Variants in CCNH observed in about 807,000 individuals in gnomAD.
CCNH encodes the protein cyclin-H.
CCNH carries 31 observed loss-of-function variants against 41.9 expected under a neutral mutation model. That is an observed-to-expected ratio of 0.74 (90% CI 0.56 to 1.00). The LOEUF is 1.00. Ranked by LOEUF, CCNH falls within the 50% of genes least tolerant of loss-of-function variation. The pLI, the probability that CCNH is intolerant of heterozygous loss-of-function variation, is 0.00. For synonymous variants in CCNH, 138 were observed against 136.1 expected (o/e 1.01, Z -0.10); for missense variants, 362 against 388.4 (o/e 0.93, Z 0.57).
In CCNH at chr5:87,409,329, A is replaced by C. The variant is rs1764040679; in HGVS notation, c.275T>G (p.Leu92Arg). The C allele has an allele frequency of 6.3e-7, 1 of 1,574,854 alleles. No homozygotes were observed. The highest frequency in any genetic ancestry group is 8.7e-7 in the Non-Finnish European group (1 of 1,145,406). The change falls in exon 3 of 9, where the codon CTT becomes CGT. Residue 92 changes from leucine to arginine, a missense_variant. Physicochemically the swap from Leu to Arg is moderately radical, Grantham distance 102 (BLOSUM62 -2). Coordinates refer to ENST00000256897, the MANE Select transcript of CCNH (RefSeq NM_001239.4). ...TACMYFKRFY[L>R]NNSVMEYHPR... is the part of the protein sequence containing the mutation. ...GTGATATTCCATTACTGAGTTATTA[A>C]GATAAAAACGTTTGAAATACATACA...
exon 1 of CCNH, chr5:87,377,010 A>T: frequency 1.9e-6 from 3 of 1,613,876 alleles, no homozygotes; most frequent in African/African-American, 2.7e-5. Flanking sequence ...GTTGTTATGC[A>T]CACTAAATGA....
chr5:87,386,322 G>A (rs1472244543), intron 9 of CCNH, among the ~76,000 whole-genome samples: 1 of 152,050 alleles, frequency 6.6e-6, no homozygotes, highest in African/African-American at 2.4e-5. Context: ...ACGATGAGCA[G>A]TTAACTACGT....
chr5:87,397,973 G>A (rs892228408), intron 7 of CCNH, among the ~76,000 whole-genome samples: 5 of 152,176 alleles, frequency 3.3e-5, no homozygotes, highest in African/African-American at 1.2e-4. Flanking sequence ...CTAATGGGCT[G>A]GATATGCCTG....
chr5:87,409,399 T>C (rs1349785122), intron 2 of CCNH, 36 bp from the exon 3 acceptor site: 1 of 1,180,124 alleles, frequency 8.5e-7, no homozygotes, highest in Non-Finnish European at 1.2e-6. Flanking sequence ...CAGGATCTAG[T>C]CACAAATGTT....
At chr5:87,374,461 T>TATA (rs200905236), downstream of CCNH, 113 of 151,996 alleles carry the variant, frequency 7.4e-4, no homozygotes, top group African/African-American at 1.3e-3. Flanking sequence ...ATATATATAT[T>TATA]TTTTTTTTTT....
At chr5:87,324,531 C>T (rs1174930994) in intron 9 of CCNH, among the ~76,000 whole-genome samples, 3 of 152,064 alleles carry the variant, frequency 2.0e-5, no homozygotes, top group African/African-American at 7.2e-5. Context: ...TAGAAATGCT[C>T]TCTCGAAACT....
At chr5:87,317,645 T>G (rs2112323916), downstream of CCNH, among the ~76,000 whole-genome samples, 1 of 152,154 alleles carries the variant, frequency 6.6e-6, no homozygotes, top group Admixed American at 6.5e-5. Flanking sequence ...TTTTTTTTTT[T>G]TTTCTTTTGA....
chr5:87,346,777 G>A, intron 9 of CCNH: 2 of 1,342,532 alleles, frequency 1.5e-6, no homozygotes, highest in Non-Finnish European at 2.1e-6. Context: ...GAATAAAAAA[G>A]TGAACAAACC....
chr5:87,380,945 T>C (rs1033207089), upstream of CCNH, among the ~76,000 whole-genome samples: 1 of 152,174 alleles, frequency 6.6e-6, no homozygotes, highest in African/African-American at 2.4e-5. Context: ...AGGGCAGTAA[T>C]TGACCGATTT....
At chr5:87,402,556 G>A (rs1331084103) in intron 5 of CCNH, among the ~76,000 whole-genome samples, 1 of 152,088 alleles carries the variant, frequency 6.6e-6, no homozygotes, top group South Asian at 2.1e-4. Context: ...TCTCTTGGGG[G>A]TAATAGTTAG....
At chr5:87,391,359 T>G (rs543819845), downstream of CCNH, 524 of 273,418 alleles carry the variant, frequency 1.9e-3, 4 homozygotes, top group Admixed American at 4.2e-3. Flanking sequence ...ACCATTTGAC[T>G]GTTCAATGAT....
At chr5:87,356,007 C>T (rs144587047) in intron 9 of CCNH, among the ~76,000 whole-genome samples, 27 of 152,262 alleles carry the variant, frequency 1.8e-4, no homozygotes, top group Non-Finnish European at 2.6e-4. Context: ...TTGCTTGTTA[C>T]GGATGAGAAA....
chr5:87,314,884 A>G (rs1025078069), downstream of CCNH, among the ~76,000 whole-genome samples: 1 of 152,186 alleles, frequency 6.6e-6, no homozygotes, highest in African/African-American at 2.4e-5. Flanking sequence ...TTATTGTGAT[A>G]CTGGATGAGT....
intron 7 of CCNH, 34 bp downstream of exon 7, chr5:87,399,360 A>C (rs1460339228): frequency 7.0e-7 from 1 of 1,421,004 alleles, no homozygotes; most frequent in Non-Finnish European, 1.0e-6. Flanking sequence ...GATAACAGTT[A>C]TGTCTATTGA....
At chr5:87,343,930 C>G (rs554917314) in intron 9 of CCNH, among the ~76,000 whole-genome samples, 1 of 152,252 alleles carries the variant, frequency 6.6e-6, no homozygotes, top group South Asian at 2.1e-4. Flanking sequence ...ATGAATGGAA[C>G]TGGCAAATAC....
intron 9 of CCNH, among the ~76,000 whole-genome samples, chr5:87,345,705 A>G (rs1312373866): frequency 6.6e-6 from 1 of 152,194 alleles, no homozygotes; most frequent in Non-Finnish European, 1.5e-5. Flanking sequence ...TGTATGGATC[A>G]TTTAAAACAA....
At chr5:87,378,371 TC>T (rs780558908), upstream of CCNH, 2 of 1,610,638 alleles carry the variant, frequency 1.2e-6, no homozygotes. Flanking sequence ...TTACAAATAA[TC>T]TTCTAATGTA....
At chr5:87,370,820 A>G (rs1371249506) in intron 9 of CCNH, among the ~76,000 whole-genome samples, 1 of 152,152 alleles carries the variant, frequency 6.6e-6, no homozygotes. Context: ...TGCCAACCCT[A>G]GATATGAGGA....
intron 9 of CCNH, among the ~76,000 whole-genome samples, chr5:87,327,353 T>G (rs2112354439): frequency 6.6e-6 from 1 of 152,338 alleles, no homozygotes; most frequent in East Asian, 1.9e-4. Context: ...TTCATTTTTG[T>G]ATTTTTCTTT....
Sources: gnomAD v4.1 joint callset for allele counts (sites outside exome capture counted in the v4.1 genomes callset) on GRCh38, gnomAD v4.1.1 for gene constraint, MANE v1.5 for transcripts, NCBI Gene and HGNC (gene_info 2026-07-23, HGNC 2026-07-21) for gene names.